FHAD1: variants seen among roughly 807,000 people sequenced by gnomAD.
FHAD1 encodes the protein forkhead associated phosphopeptide binding domain 1, also known as forkhead-associated domain-containing protein 1.
In FHAD1, 146 loss-of-function variants were observed where a neutral mutation model predicts 191.3. The observed-to-expected ratio is 0.76, with a 90% CI of 0.67 to 0.88. FHAD1 has a LOEUF of 0.88. FHAD1 is among the 40% of genes least tolerant of loss of function. The pLI, the probability that FHAD1 is intolerant of heterozygous loss-of-function variation, is 0.00. For synonymous variants in FHAD1, 616 were observed against 672.3 expected, an observed-to-expected ratio of 0.92 and a Z score of 1.29; for missense variants, 1,635 against 1,785.8, an observed-to-expected ratio of 0.92 and a Z score of 1.52.
At chr1:15,300,689 A>C (rs1248865828) in intron 5 of FHAD1, among the ~76,000 whole-genome samples, 1 of 152,216 alleles carries the variant, frequency 6.6e-6, no homozygotes, top group African/African-American at 2.4e-5. Flanking sequence ...TCTAAGGTAT[A>C]CACATGACTT....
chr1:15,288,953 G>A (rs1274700381), intron 3 of FHAD1, among the ~76,000 whole-genome samples: 3 of 152,160 alleles, frequency 2.0e-5, no homozygotes, highest in Admixed American at 6.5e-5. Context: ...GAGAGTCCAG[G>A]AAGGCTTCCT....
chr1:15,264,533 G>A (rs975861701), intron 2 of FHAD1, among the ~76,000 whole-genome samples: 2 of 145,752 alleles, frequency 1.4e-5, no homozygotes, highest in Non-Finnish European at 3.0e-5. Flanking sequence ...TATGAATTCA[G>A]TGTTATATGT....
At chr1:15,313,234 A>G in intron 8 of FHAD1, 47 bp downstream of exon 8, 1 of 1,518,706 alleles carries the variant, frequency 6.6e-7, no homozygotes, top group Admixed American at 2.0e-5. Flanking sequence ...GGTGAAAAGC[A>G]GCTAAAGTGA....
intron 3 of FHAD1, among the ~76,000 whole-genome samples, chr1:15,282,123 A>G (rs781322391): frequency 2.0e-5 from 3 of 152,048 alleles, no homozygotes; most frequent in Admixed American, 2.0e-4. Context: ...CTCATAGTGT[A>G]TTCTCCCTGC....
At chr1:15,362,535 C>T in intron 22 of FHAD1, 107 bp from the exon 23 acceptor site, 1 of 854,054 alleles carries the variant, frequency 1.2e-6, no homozygotes, top group Non-Finnish European at 1.9e-6. Context: ...GTGGAGAGGG[C>T]TGCAGGTGGA....
At chr1:15,399,721 G>T (rs909566020), downstream of FHAD1, among the ~76,000 whole-genome samples, 4 of 152,078 alleles carry the variant, frequency 2.6e-5, no homozygotes, top group African/African-American at 9.7e-5. Context: ...GCAGTTCCAG[G>T]GCTAAAGCAG....
chr1:15,374,393 G>A (rs372216077), intron 26 of FHAD1, 109 bp from the exon 27 acceptor site: 1 of 1,334,368 alleles, frequency 7.5e-7, no homozygotes, highest in African/African-American at 1.5e-5. Context: ...TTTTTCCAAA[G>A]GTGCTAAGTG....
intron 31 of FHAD1, chr1:15,383,439 T>G (rs1367886632): frequency 5.7e-6 from 2 of 347,918 alleles, no homozygotes; most frequent in East Asian, 1.5e-4. Flanking sequence ...GTCTACACAC[T>G]GGAAAGTTTC....
intron 5 of FHAD1, 34 bp from the exon 6 acceptor site, chr1:15,301,171 C>CA: frequency 6.5e-7 from 1 of 1,539,212 alleles, no homozygotes; most frequent in Non-Finnish European, 8.8e-7. Flanking sequence ...CCTAGGCCCA[C>CA]ACCTAGTAAG....
chr1:15,349,590 C>T (rs1690113812), intron 19 of FHAD1, among the ~76,000 whole-genome samples: 1 of 152,240 alleles, frequency 6.6e-6, no homozygotes, highest in Admixed American at 6.5e-5. Flanking sequence ...GAAAGCACTG[C>T]TCCTGGCCCG....
intron 32 of FHAD1, among the ~76,000 whole-genome samples, chr1:15,389,416 C>T (rs1303405773): frequency 8.0e-6 from 1 of 125,572 alleles, no homozygotes; most frequent in Non-Finnish European, 1.6e-5. Flanking sequence ...CCGCTAAACT[C>T]TAGCCTGAGC....
chr1:15,278,420 GT>G (rs1171722833), intron 3 of FHAD1, among the ~76,000 whole-genome samples: 1 of 150,362 alleles, frequency 6.7e-6, no homozygotes, highest in African/African-American at 2.5e-5. Context: ...AGTTTACTTA[GT>G]TAACTGAGGA....
chr1:15,330,591 A>G (rs888232097), intron 14 of FHAD1, among the ~76,000 whole-genome samples: 2 of 152,210 alleles, frequency 1.3e-5, no homozygotes, highest in Non-Finnish European at 2.9e-5. Flanking sequence ...AGTGGTGACA[A>G]TTGCTATGAA....
At chr1:15,261,794 T>C (rs1382537661) in intron 2 of FHAD1, among the ~76,000 whole-genome samples, 1 of 152,116 alleles carries the variant, frequency 6.6e-6, no homozygotes. Context: ...CCTGAGGCAG[T>C]GACAGGGGTC....
chr1:15,357,080 C>T (rs930435965), intron 20 of FHAD1, among the ~76,000 whole-genome samples: 4 of 152,056 alleles, frequency 2.6e-5, no homozygotes, highest in Admixed American at 2.6e-4. Context: ...GGAAAAATTC[C>T]CTAAAGTGGA....
At chr1:15,379,452 A>G (rs1363713697) in intron 28 of FHAD1, among the ~76,000 whole-genome samples, 2 of 152,206 alleles carry the variant, frequency 1.3e-5, no homozygotes, top group South Asian at 2.1e-4. Context: ...ATCGGGTTTT[A>G]TACCGAGACA....
chr1:15,349,548 G>T (rs1690098279), intron 19 of FHAD1, among the ~76,000 whole-genome samples: 1 of 152,234 alleles, frequency 6.6e-6, no homozygotes. Context: ...CAGTAGAGCG[G>T]CATGTGTGCC....
At chr1:15,365,771 A>G (rs1696233057) in intron 23 of FHAD1, 56 bp from the exon 24 acceptor site, 15 of 1,119,922 alleles carry the variant, frequency 1.3e-5, no homozygotes, top group Non-Finnish European at 2.0e-5. Flanking sequence ...CCTGACACTC[A>G]GGAGATAACA....
chr1:15,381,296 C>T lies in FHAD1; in HGVS notation c.3867C>T (p.Ser1289=). The T allele has an allele frequency of 6.4e-7, 1 of 1,551,682 alleles. No individual in the cohort carries two copies. Among genetic ancestry groups the T allele is most frequent in the South Asian group, 1.2e-5 (1 of 84,038 alleles). The change falls in exon 30 of 34, where the codon TCC becomes TCT. Residue 1289 remains serine, a synonymous_variant. Transcript: ENST00000688493. The surrounding 1 kb of genome is among the most constrained non-coding windows in gnomAD (Gnocchi z 4.6). ...MNIKNMSGHV[S]MKYLSRQERE... The stretch of plus-strand genomic sequence containing the variant: ...TCAAGAATATGTCAGGCCACGTGTC[C>T]ATGAAATACCTCTCCCGCCAGGAGA...
Sources: allele counts gnomAD v4.1 joint callset (sites outside exome capture counted in the v4.1 genomes callset), GRCh38; gene constraint gnomAD v4.1.1; non-coding constraint Gnocchi (gnomAD v3.1); transcripts MANE v1.5; gene names NCBI Gene and HGNC (gene_info 2026-07-23, HGNC 2026-07-21).